The following ZFHX3 variants were observed in gnomAD, a reference collection of about 807,000 sequenced individuals.
ZFHX3 encodes zinc finger homeobox 3, also known as zinc finger homeobox protein 3.
Under a neutral mutation model 279.1 loss-of-function variants are expected in ZFHX3, and 42 were observed. That is an observed-to-expected ratio of 0.15 (90% CI 0.12 to 0.19). The LOEUF (loss-of-function observed/expected upper bound fraction) is 0.19. ZFHX3 is among the 10% of genes least tolerant of loss of function. The probability of loss-of-function intolerance (pLI) is 1.00; values close to 1 mark genes in which losing one functional copy is unlikely to be tolerated. For missense variants in ZFHX3, 4,981 were observed against 4,754.0 expected (o/e 1.05, Z -1.40); for synonymous variants, 2,293 against 1,957.8 (o/e 1.17, Z -4.52).
At chr16:73,842,043 G>A (rs553540995) in intron 1 of ZFHX3, among the ~76,000 whole-genome samples, 13 of 151,172 alleles carry the variant, frequency 8.6e-5, no homozygotes, top group South Asian at 2.1e-4. Context: ...GGTGAAACCC[G>A]TCTCTACTTT....
chr16:73,360,734 G>C (rs1466774652), intron 3 of ZFHX3, among the ~76,000 whole-genome samples: 1 of 152,200 alleles, frequency 6.6e-6, no homozygotes, highest in African/African-American at 2.4e-5. Flanking sequence ...GCAGTGTCTG[G>C]TATATGACAC....
At chr16:73,076,238 C>T (rs1416531818) in intron 8 of ZFHX3, among the ~76,000 whole-genome samples, 1 of 152,066 alleles carries the variant, frequency 6.6e-6, no homozygotes, top group Non-Finnish European at 1.5e-5. Flanking sequence ...AGGGTTGCAG[C>T]GTGAAGATCA....
chr16:72,806,101 G>A (rs2143541938), intron 7 of ZFHX3: 1 of 152,362 alleles, frequency 6.6e-6, no homozygotes, highest in Middle Eastern at 3.4e-3. Flanking sequence ...GTCTTGCCAT[G>A]TTGCCCTGGC....
chr16:72,795,434 C>T lies in ZFHX3; in HGVS notation c.7248G>A (p.Leu2416=), dbSNP rs1339739048. The T allele has an allele frequency of 6.2e-6, 10 of 1,613,970 alleles. No homozygotes were observed. The highest frequency in any genetic ancestry group is 8.5e-6 in the Non-Finnish European group (10 of 1,180,040). ...CCTCTGTTTTTGAATTGAAGGTGGC[C>T]AGTTCCTCAGCCTCCGCTGTAAGCT... is the stretch of plus-strand genomic sequence containing the variant. The part of the protein sequence containing the change: ...FLQLTAEAEE[L]ATFNSKTEAG... The change falls in exon 9 of 10, where the codon CTG becomes CTA. Residue 2416 remains leucine (L), a synonymous_variant. Transcript: ENST00000268489.
upstream of ZFHX3, among the ~76,000 whole-genome samples, chr16:73,051,194 G>A (rs1039975698): frequency 5.9e-5 from 9 of 152,128 alleles, no homozygotes; most frequent in South Asian, 2.1e-4. Context: ...TAAATTATAC[G>A]TATACATTGA....
intron 3 of ZFHX3, among the ~76,000 whole-genome samples, chr16:73,440,645 G>A (rs146267978): frequency 4.1e-4 from 62 of 152,214 alleles, no homozygotes; most frequent in African/African-American, 1.2e-3. Context: ...TGGTTCCAAC[G>A]AGATCTATGC....
rs116385579 is a variant in ZFHX3, at chr16:73,317,845, G to C, written c.-1194+395C>G. Among the ~76,000 whole-genome samples, 956 of 152,294 alleles carry C rather than the reference G, an allele frequency of 6.3e-3. 15 individuals carry two copies. Among genetic ancestry groups the C allele is most frequent in the African/African-American group, 0.022 (918 of 41,576 alleles). On this transcript the variant is annotated intron_variant, in intron 4 of 17. Transcript: ENST00000641206. ...AGATGAAGGGATGGCAAATAAATGG[G>C]CCCAGAGAATTCCAGTCCTAAAAGT...
Position 73,492,879 on chromosome 16 carries a change from A to G in ZFHX3, c.-1546-36621T>C, listed in dbSNP as rs76613099. 8.5e-5 allele frequency among the ~76,000 whole-genome samples: 13 copies of G among 152,328 alleles called. No individual in the cohort carries two copies. The East Asian group carries it at 2.3e-3, about 27-fold the overall frequency. On this transcript the variant is annotated intron_variant, in intron 2 of 17. Coordinates refer to the ZFHX3 transcript ENST00000641206. ...GACTGTAAATTCTAGCTGGTGACCA[A>G]CCATGACTGTATTATTTCTCACTGT...
chr16:73,668,948 TTGG>T (rs2052873747), intron 2 of ZFHX3, among the ~76,000 whole-genome samples: 1 of 152,194 alleles, frequency 6.6e-6, no homozygotes, highest in African/African-American at 2.4e-5. Context: ...TTTTAAACTG[TTGG>T]TGGAGTATAA....
intron 2 of ZFHX3, among the ~76,000 whole-genome samples, chr16:73,626,622 T>A (rs2052419503): frequency 6.6e-6 from 1 of 152,198 alleles, no homozygotes; most frequent in Admixed American, 6.5e-5. Context: ...AGTGGTCTAT[T>A]GACCTTTGCT....
intron 1 of ZFHX3, among the ~76,000 whole-genome samples, chr16:73,718,766 C>G (rs949899882): frequency 4.0e-5 from 6 of 151,868 alleles, no homozygotes; most frequent in Non-Finnish European, 7.4e-5. Flanking sequence ...CAGGCGCACA[C>G]CACCACGTCC....
intron 5 of ZFHX3, among the ~76,000 whole-genome samples, chr16:73,198,230 C>T (rs1455768555): frequency 3.3e-5 from 5 of 151,922 alleles, no homozygotes; most frequent in Non-Finnish European, 5.9e-5. Context: ...AGCCACCATG[C>T]CCAGCCCCTT....
At chr16:72,895,406 C>T (rs1477931713) in intron 3 of ZFHX3, among the ~76,000 whole-genome samples, 1 of 152,152 alleles carries the variant, frequency 6.6e-6, no homozygotes, top group African/African-American at 2.4e-5. Context: ...TCCTAGCTAA[C>T]CAAAAAAGAG....
At chr16:73,560,641 A>C (rs2143788377) in intron 2 of ZFHX3, among the ~76,000 whole-genome samples, 1 of 152,356 alleles carries the variant, frequency 6.6e-6, no homozygotes, top group Admixed American at 6.5e-5. Context: ...AGTGGCCCAG[A>C]CTGGGGATTC....
At chr16:72,800,756 T>A (rs916572827) in intron 7 of ZFHX3, among the ~76,000 whole-genome samples, 1 of 152,212 alleles carries the variant, frequency 6.6e-6, no homozygotes, top group Admixed American at 6.5e-5. Flanking sequence ...GTGACTCACT[T>A]AAGCCACGAT....
Position 73,168,215 on chromosome 16 carries a change from C to A in ZFHX3, c.-1103-24384G>T, listed in dbSNP as rs141496652. On this transcript the variant is annotated intron_variant, in intron 5 of 17. Transcript: ENST00000641206. ...TTAACACTATAGTTTCTTTTGTTTT[C>A]TTTCTTTCTTTCTTTCTTTCTTTCT... Among the ~76,000 whole-genome samples, 179 of 92,504 alleles carry A rather than the reference C, an allele frequency of 1.9e-3. 2 individuals are homozygous for A. Among genetic ancestry groups the A allele is most frequent in the African/African-American group, 8.1e-3 (175 of 21,598 alleles). 60.7% of individuals were successfully genotyped at this position (92,504 alleles called of 152,430 possible). A position where few individuals can be genotyped will look rare whatever the true frequency, so the allele number is the denominator to read the frequency against.
intron 5 of ZFHX3, chr16:73,232,912 G>A (rs2012821567): frequency 6.6e-6 from 1 of 152,006 alleles, no homozygotes. Flanking sequence ...TCCAGCTAAT[G>A]AGAAGCTGTA....
chr16:73,159,108 A>T (rs1377024209), intron 5 of ZFHX3, among the ~76,000 whole-genome samples: 4 of 152,356 alleles, frequency 2.6e-5, no homozygotes, highest in African/African-American at 9.6e-5. Flanking sequence ...GAGCATCTGC[A>T]CAACAAAAGA....
intron 2 of ZFHX3, among the ~76,000 whole-genome samples, chr16:73,587,272 A>G (rs766006272): frequency 6.6e-6 from 1 of 152,218 alleles, no homozygotes; most frequent in Non-Finnish European, 1.5e-5. Flanking sequence ...AGGCAAGTAA[A>G]TATACCAGCA....
Sources: gnomAD v4.1 joint callset for allele counts (sites outside exome capture counted in the v4.1 genomes callset) on GRCh38, gnomAD v4.1.1 for gene constraint, MANE v1.5 for transcripts, NCBI Gene and HGNC (gene_info 2026-07-23, HGNC 2026-07-21) for gene names.